The following PRR16 variants were observed in gnomAD, a reference collection of about 807,000 sequenced individuals.
PRR16 encodes protein Largen.
A neutral mutation model predicts 18.2 loss-of-function variants in PRR16; 6 were observed. The ratio of observed to expected loss-of-function variants is 0.33; its 90% CI spans 0.18 to 0.65. PRR16 has a LOEUF of 0.65. Among genes scored for constraint, PRR16 ranks in the 30% least tolerant of loss-of-function variants. PRR16 has a pLI of 0.74. For missense variants in PRR16, 412 were observed against 376.6 expected (o/e 1.09, Z -0.78); for synonymous variants, 151 against 147.8 (o/e 1.02, Z -0.16).
the PRR16 span, among the ~76,000 whole-genome samples, chr5:120,731,513 A>C: frequency 1.3e-5 from 2 of 152,184 alleles, no homozygotes; most frequent in Admixed American, 6.5e-5. Flanking sequence ...AAATATTAAC[A>C]CCATGGAACT....
the PRR16 span, among the ~76,000 whole-genome samples, chr5:120,788,777 T>C: frequency 1.3e-5 from 2 of 152,250 alleles, no homozygotes; most frequent in Admixed American, 1.3e-4. Context: ...GAGTAAGCCC[T>C]CGAGTCTCAC....
At chr5:120,594,683 C>T (rs1753744924) in intron 1 of PRR16, among the ~76,000 whole-genome samples, 2 of 152,188 alleles carry the variant, frequency 1.3e-5, no homozygotes, top group African/African-American at 4.8e-5. Flanking sequence ...AAGCTGGAGG[C>T]ATCATGCTGC....
the PRR16 span, among the ~76,000 whole-genome samples, chr5:120,732,468 T>C: frequency 6.6e-6 from 1 of 152,124 alleles, no homozygotes; most frequent in African/African-American, 2.4e-5. Context: ...TATCACTTGA[T>C]TTTTTTCCCT....
At chr5:120,640,183 A>G (rs573131668) in intron 1 of PRR16, among the ~76,000 whole-genome samples, 1 of 152,122 alleles carries the variant, frequency 6.6e-6, no homozygotes, top group Admixed American at 6.6e-5. Context: ...TTGAAAATCC[A>G]CCTATTGGGT....
chr5:120,630,888 T>G (rs776877266), intron 1 of PRR16, among the ~76,000 whole-genome samples: 3 of 152,152 alleles, frequency 2.0e-5, no homozygotes, highest in African/African-American at 7.2e-5. Flanking sequence ...TAGATACGCA[T>G]TTTGAGAGAT....
the PRR16 span, among the ~76,000 whole-genome samples, chr5:120,692,586 A>G: frequency 6.6e-6 from 1 of 152,342 alleles, no homozygotes; most frequent in South Asian, 2.1e-4. Context: ...AAATGGAAGG[A>G]GATGTGCATA....
At chr5:120,477,365 T>C (rs1749476434) in intron 1 of PRR16, among the ~76,000 whole-genome samples, 1 of 152,102 alleles carries the variant, frequency 6.6e-6, no homozygotes, top group Admixed American at 6.6e-5. Flanking sequence ...TCCCCTCCCT[T>C]GTCAGTTAAC....
chr5:120,581,209 G>C (rs1429713080), intron 1 of PRR16, among the ~76,000 whole-genome samples: 3 of 152,192 alleles, frequency 2.0e-5, no homozygotes, highest in Admixed American at 1.3e-4. Context: ...GCTTGTTATT[G>C]GTCTATTCAG....
chr5:120,665,386 A>T lies in PRR16; in HGVS notation c.160-20568A>T, dbSNP rs552284725. Among the ~76,000 whole-genome samples the T allele has an allele frequency of 6.4e-3, 972 of 151,574 alleles. 14 individuals carry two copies. Among genetic ancestry groups the T allele is most frequent in the African/African-American group, 0.023 (936 of 41,308 alleles). Reference sequence around the variant, plus strand: ...TTTGTCAGATGAGTAGGTTGTGAAAATTTTCTCCCATTCTGTAGGTTGCCT... The same window carrying T: ...TTTGTCAGATGAGTAGGTTGTGAAATTTTTCTCCCATTCTGTAGGTTGCCT... On this transcript the variant is annotated intron_variant, in intron 1 of 1. Transcript: ENST00000407149.
chr5:120,485,476 T>C (rs990950380), intron 1 of PRR16, among the ~76,000 whole-genome samples: 3 of 152,228 alleles, frequency 2.0e-5, no homozygotes, highest in African/African-American at 4.8e-5. Flanking sequence ...GACGTGATTA[T>C]CTACATGTTT....
At chr5:120,670,672 C>CTTGT (rs1756570252) in intron 1 of PRR16, among the ~76,000 whole-genome samples, 1 of 152,072 alleles carries the variant, frequency 6.6e-6, no homozygotes, top group African/African-American at 2.4e-5. Context: ...TATCATAATG[C>CTTGT]TTGTATACCT....
intron 1 of PRR16, among the ~76,000 whole-genome samples, chr5:120,546,827 A>G (rs1752088279): frequency 1.3e-5 from 2 of 152,028 alleles, no homozygotes; most frequent in South Asian, 4.1e-4. Context: ...CACTGGTAAA[A>G]GAAAGCAATG....
intron 1 of PRR16, among the ~76,000 whole-genome samples, chr5:120,595,859 T>G (rs1225402511): frequency 6.6e-6 from 1 of 151,964 alleles, no homozygotes; most frequent in East Asian, 1.9e-4. Context: ...TTTAGAAAAA[T>G]TTAACTTTGC....
chr5:120,602,241 C>T (rs1754007968), intron 1 of PRR16, among the ~76,000 whole-genome samples: 1 of 151,642 alleles, frequency 6.6e-6, no homozygotes, highest in Non-Finnish European at 1.5e-5. Context: ...GATTCTTTTA[C>T]TAGTGTTGTG....
the PRR16 span, among the ~76,000 whole-genome samples, chr5:120,779,425 AC>A: frequency 6.6e-6 from 1 of 152,136 alleles, no homozygotes; most frequent in Non-Finnish European, 1.5e-5. Context: ...ACAAAACAAA[AC>A]AAAAAAACAC....
At chr5:120,512,230 C>G (rs190391780) in intron 1 of PRR16, among the ~76,000 whole-genome samples, 1 of 124,806 alleles carries the variant, frequency 8.0e-6, no homozygotes, top group Non-Finnish European at 1.7e-5. Context: ...CCTTCCCTCC[C>G]CCACCTATTG....
the PRR16 span, among the ~76,000 whole-genome samples, chr5:120,780,020 T>C: frequency 6.6e-6 from 1 of 152,224 alleles, no homozygotes; most frequent in Non-Finnish European, 1.5e-5. Context: ...TTTGTACCTA[T>C]GCTCTCATTT....
At chr5:120,491,136 A>T (rs1027824097) in intron 1 of PRR16, among the ~76,000 whole-genome samples, 2 of 152,116 alleles carry the variant, frequency 1.3e-5, no homozygotes, top group Admixed American at 1.3e-4. Flanking sequence ...CCGTTCTCAG[A>T]TCTCCAGCTA....
chr5:120,754,498 T>A, the PRR16 span, among the ~76,000 whole-genome samples: 73 of 61,276 alleles, frequency 1.2e-3, 2 homozygotes, highest in East Asian at 9.1e-3. Context: ...TAGTATGTAT[T>A]TTATTATGTA....
Sources: gnomAD v4.1 joint callset for allele counts (sites outside exome capture counted in the v4.1 genomes callset) on GRCh38, gnomAD v4.1.1 for gene constraint, MANE v1.5 for transcripts, NCBI Gene and HGNC (gene_info 2026-07-23, HGNC 2026-07-21) for gene names.